RRM2: variants seen among roughly 807,000 people sequenced by gnomAD.
The protein encoded by RRM2 is ribonucleoside-diphosphate reductase subunit M2.
In RRM2, 6 loss-of-function variants were observed where a neutral mutation model predicts 45.9. The observed-to-expected ratio is 0.13, with a 90% CI of 0.07 to 0.26. The LOEUF (loss-of-function observed/expected upper bound fraction) is 0.26. Among genes scored for constraint, RRM2 ranks in the 10% least tolerant of loss-of-function variants. The pLI, the probability that RRM2 is intolerant of heterozygous loss-of-function variation, is 1.00. For synonymous variants in RRM2, 177 were observed against 173.0 expected (o/e 1.02, Z -0.18); for missense variants, 343 against 489.5 (o/e 0.70, Z 2.82).
chr2:10,136,642 A>G (rs116242603), upstream of RRM2, among the ~76,000 whole-genome samples: 528 of 152,306 alleles, frequency 3.5e-3, 4 homozygotes, highest in African/African-American at 0.012. Flanking sequence ...GTGTGGTGGC[A>G]TGCATCTGTA....
intron 3 of RRM2, among the ~76,000 whole-genome samples, chr2:10,174,025 C>T (rs1663862846): frequency 6.6e-6 from 1 of 152,194 alleles, no homozygotes; most frequent in African/African-American, 2.4e-5. Context: ...CCCAGTGTGG[C>T]TGCATTTGGA....
At chr2:10,137,654 C>T (rs558805779), upstream of RRM2, among the ~76,000 whole-genome samples, 1 of 152,340 alleles carries the variant, frequency 6.6e-6, no homozygotes, top group East Asian at 1.9e-4. Flanking sequence ...CCAAATGGAG[C>T]CTCACGCTTA....
rs201343952 is a variant in RRM2 at position 10,141,947 on chromosome 2, A to G, written n.354A>G. The G allele has an allele frequency of 5.1e-6, 8 of 1,575,614 alleles. No homozygotes were observed. In the African/African-American group the frequency reaches 9.4e-5, roughly 19 times the overall value. On this transcript the variant is annotated non_coding_transcript_exon_variant, in exon 2 of 4. Coordinates refer to the RRM2 transcript ENST00000381786. ...GGAGATGGAGACCAATCACCCACCC[A>G]GTGTGCGGTAAGTCAGACGGTGACA...
exon 4 of RRM2, chr2:10,210,661 C>T: frequency 7.6e-7 from 1 of 1,315,948 alleles, no homozygotes; most frequent in South Asian, 1.2e-5. Context: ...GGAAATGGAA[C>T]CCGCAAAGCC....
intron 3 of RRM2, among the ~76,000 whole-genome samples, chr2:10,191,410 T>G (rs1664303973): frequency 6.6e-6 from 1 of 152,152 alleles, no homozygotes; most frequent in African/African-American, 2.4e-5. Flanking sequence ...AGTAGATCAG[T>G]GTCAGTGAGG....
rs1447329546 is a variant in RRM2 at position 10,123,727 on chromosome 2, G to T, written c.319-9G>T. ...CTTTTATGCTAAAATTGTGACTTCC[G>T]AACCTCAGGTGGACCTCTCCAAGGA... On this transcript the variant is annotated splice_polypyrimidine_tract_variant and intron_variant, in intron 3 of 9. Coordinates refer to ENST00000304567, the MANE Select transcript of RRM2 (RefSeq NM_001034.4). The T allele has an allele frequency of 3.2e-6, 5 of 1,553,696 alleles. No homozygotes were observed. The highest frequency in any genetic ancestry group is 4.4e-6 in the Non-Finnish European group (5 of 1,127,204).
At chr2:10,149,277 C>T (rs1030807429) in intron 3 of RRM2, among the ~76,000 whole-genome samples, 11 of 152,026 alleles carry the variant, frequency 7.2e-5, no homozygotes, top group African/African-American at 1.9e-4. Flanking sequence ...TACAGGCTTG[C>T]GCCACCATGC....
intron 3 of RRM2, among the ~76,000 whole-genome samples, chr2:10,152,461 T>A (rs1376372100): frequency 1.3e-5 from 2 of 150,632 alleles, no homozygotes; most frequent in African/African-American, 4.9e-5. Flanking sequence ...TTATAGTTTA[T>A]GTTTTCTGTG....
intron 2 of RRM2, chr2:10,141,956 T>G: frequency 6.4e-7 from 1 of 1,574,182 alleles, no homozygotes; most frequent in Non-Finnish European, 8.6e-7. Flanking sequence ...CAGTGTGCGG[T>G]AAGTCAGACG....
chr2:10,170,946 C>G (rs1368999170), intron 3 of RRM2, among the ~76,000 whole-genome samples: 1 of 152,250 alleles, frequency 6.6e-6, no homozygotes, highest in African/African-American at 2.4e-5. Flanking sequence ...AGCTAAGTGA[C>G]AGAGAGGGGG....
At chr2:10,196,118 G>T (rs1182969995) in intron 3 of RRM2, among the ~76,000 whole-genome samples, 3 of 152,166 alleles carry the variant, frequency 2.0e-5, no homozygotes, top group Non-Finnish European at 4.4e-5. Flanking sequence ...CAGATGTGTG[G>T]CTTCTCACCC....
intron 3 of RRM2, among the ~76,000 whole-genome samples, chr2:10,175,323 T>C (rs1267113057): frequency 6.6e-6 from 1 of 152,260 alleles, no homozygotes; most frequent in Non-Finnish European, 1.5e-5. Context: ...AACCATGTTG[T>C]ATGTGGTCTT....
At chr2:10,161,524 G>A (rs906461894) in intron 3 of RRM2, among the ~76,000 whole-genome samples, 2 of 151,762 alleles carry the variant, frequency 1.3e-5, no homozygotes, top group Admixed American at 6.6e-5. Context: ...CCCAGTGAGG[G>A]GCCAGCCTCA....
intron 3 of RRM2, among the ~76,000 whole-genome samples, chr2:10,190,131 ATGGTGATGGTGGTGATGGTGGTATTGG>A (rs1664256949): frequency 1.7e-5 from 2 of 114,934 alleles, no homozygotes; most frequent in Non-Finnish European, 3.7e-5. Flanking sequence ...GGTGATGATG[ATGGTGATGGTGGTGATGGTGGTATTGG>A]TGGTGATGGT....
At chr2:10,137,075 G>A (rs764571410), upstream of RRM2, among the ~76,000 whole-genome samples, 2 of 152,234 alleles carry the variant, frequency 1.3e-5, no homozygotes, top group African/African-American at 4.8e-5. Flanking sequence ...GATAGGATAA[G>A]GTTGATTTTC....
intron 3 of RRM2, among the ~76,000 whole-genome samples, chr2:10,178,915 T>C (rs996092657): frequency 6.6e-6 from 1 of 152,042 alleles, no homozygotes; most frequent in Non-Finnish European, 1.5e-5. Flanking sequence ...CAAACTGCCG[T>C]CTATGAATCA....
At chr2:10,183,856 G>A (rs140338810) in intron 3 of RRM2, among the ~76,000 whole-genome samples, 24,008 of 150,672 alleles carry the variant, frequency 0.16, 2,332 homozygotes, top group Non-Finnish European at 0.21. Flanking sequence ...TTGGGAGGCC[G>A]AGGCGGGCGG....
intron 3 of RRM2, among the ~76,000 whole-genome samples, chr2:10,191,759 G>A (rs767088407): frequency 1.3e-4 from 20 of 152,160 alleles, no homozygotes; most frequent in Non-Finnish European, 2.1e-4. Flanking sequence ...ACGGCCATGC[G>A]CACTGGGAAT....
At position 10,129,486 on chromosome 2, in the gene RRM2, G is replaced by T; in HGVS notation, c.*100G>T. On this transcript the variant is annotated 3_prime_UTR_variant, in exon 10 of 10. Coordinates refer to ENST00000304567, the MANE Select transcript of RRM2 (RefSeq NM_001034.4). This position sits in a 1 kb window ranked among gnomAD's most constrained non-coding sequence, Gnocchi z 4.8. ...CAACTAGCCACACCATGAATTGTCC[G>T]TAATGTTCATTAACAGCATCTTTAA... 8.2e-7 allele frequency: 1 copy of T among 1,220,052 alleles called. No individual in the cohort carries two copies. 75.6% of individuals were successfully genotyped at this position (1,220,052 alleles called of 1,614,324 possible).
Sources: allele counts gnomAD v4.1 joint callset (sites outside exome capture counted in the v4.1 genomes callset), GRCh38; gene constraint gnomAD v4.1.1; non-coding constraint Gnocchi (gnomAD v3.1); transcripts MANE v1.5; gene names NCBI Gene and HGNC (gene_info 2026-07-23, HGNC 2026-07-21).